CCDC178: variants seen among roughly 807,000 people sequenced by gnomAD.
The protein encoded by CCDC178 is coiled-coil domain containing 178.
CCDC178 carries 126 observed loss-of-function variants against 117.4 expected under a neutral mutation model. That is an observed-to-expected ratio of 1.07 (90% CI 0.93 to 1.24). CCDC178 has a LOEUF of 1.24. Ranked by LOEUF, CCDC178 falls within the 50% of genes most tolerant of loss-of-function variation. CCDC178 has a pLI of 0.00. For synonymous variants in CCDC178, 283 were observed against 313.4 expected (o/e 0.90, Z 1.02); for missense variants, 1,030 against 986.9 (o/e 1.04, Z -0.59).
intron 21 of CCDC178, among the ~76,000 whole-genome samples, chr18:33,080,572 A>G (rs531757642): frequency 2.0e-5 from 3 of 152,126 alleles, no homozygotes; most frequent in Non-Finnish European, 2.9e-5. Context: ...TCCTGTTGAC[A>G]CTTTCATCTC....
At chr18:32,978,994 G>A (rs1407493067) in intron 21 of CCDC178, among the ~76,000 whole-genome samples, 5 of 149,460 alleles carry the variant, frequency 3.3e-5, no homozygotes, top group African/African-American at 1.2e-4. Context: ...CAGAGATCGC[G>A]CCATTCCTCT....
intron 20 of CCDC178, among the ~76,000 whole-genome samples, chr18:33,201,533 T>C (rs1227741040): frequency 6.6e-6 from 1 of 152,204 alleles, no homozygotes; most frequent in East Asian, 1.9e-4. Flanking sequence ...CGAATGTCTC[T>C]GGGTTAAAAG....
At chr18:32,951,078 T>A (rs1044573036) in intron 22 of CCDC178, among the ~76,000 whole-genome samples, 2 of 152,222 alleles carry the variant, frequency 1.3e-5, no homozygotes, top group Non-Finnish European at 2.9e-5. Context: ...AAAATTAGAC[T>A]TATTTATTTT....
At position 33,025,795 on chromosome 18, in the gene CCDC178, G is replaced by C. The variant is rs1254789856; in HGVS notation, c.2389-51114C>G. Among the ~76,000 whole-genome samples the C allele has an allele frequency of 3.3e-5, 5 of 152,158 alleles. No individual in the cohort carries two copies. The South Asian group carries it at 8.3e-4, about 25-fold the overall frequency. On this transcript the variant is annotated intron_variant, in intron 21 of 22. Coordinates refer to ENST00000383096, the MANE Select transcript of CCDC178 (RefSeq NM_001105528.4). Reference sequence around the variant, plus strand: ...GCTGGTAATAATTGATGGTACAATCGCTCTGAGAAACAGTTTGTCAGTTTC... The same window carrying C: ...GCTGGTAATAATTGATGGTACAATCCCTCTGAGAAACAGTTTGTCAGTTTC...
rs1160610535 is a variant in CCDC178 at position 33,023,667 on chromosome 18, A to C, written c.2389-48986T>G. ...TCTTAGCTTCCCAAACATCCCAAGA[A>C]ACTAGAAAAATAGGAGCTAAATAAA... On this transcript the variant is annotated intron_variant, in intron 21 of 22. Transcript: ENST00000383096. Among the ~76,000 whole-genome samples, 5 of 152,160 alleles carry C rather than the reference A, an allele frequency of 3.3e-5. No individual in the cohort carries two copies. The East Asian group carries it at 9.6e-4, about 29-fold the overall frequency.
chr18:33,102,170 C>T (rs952183459), intron 20 of CCDC178, among the ~76,000 whole-genome samples: 3 of 151,656 alleles, frequency 2.0e-5, no homozygotes, highest in Admixed American at 6.6e-5. Context: ...TTTTCTACAT[C>T]GATAATGAGG....
intron 14 of CCDC178, among the ~76,000 whole-genome samples, chr18:33,260,063 A>T (rs1412351028): frequency 1.3e-5 from 2 of 152,078 alleles, no homozygotes; most frequent in Non-Finnish European, 2.9e-5. Flanking sequence ...ACATATATAT[A>T]TATATTACAC....
intron 21 of CCDC178, among the ~76,000 whole-genome samples, chr18:33,089,671 T>C (rs915117679): frequency 5.3e-5 from 8 of 152,332 alleles, no homozygotes; most frequent in African/African-American, 1.9e-4. Context: ...CACTTCAATA[T>C]CTGCGTGCTT....
intron 11 of CCDC178, among the ~76,000 whole-genome samples, chr18:33,319,419 A>G (rs2062471250): frequency 6.6e-6 from 1 of 151,508 alleles, no homozygotes; most frequent in East Asian, 1.9e-4. Flanking sequence ...TATGTGCCAC[A>G]TTTTCTTAAT....
chr18:33,003,089 A>G (rs933250733), intron 21 of CCDC178, among the ~76,000 whole-genome samples: 3 of 152,174 alleles, frequency 2.0e-5, no homozygotes, highest in Non-Finnish European at 4.4e-5. Context: ...GCTGAATTTT[A>G]CCAAACATTT....
At chr18:32,991,230 C>T (rs550451221) in intron 21 of CCDC178, among the ~76,000 whole-genome samples, 31 of 152,232 alleles carry the variant, frequency 2.0e-4, no homozygotes, top group East Asian at 9.6e-4. Flanking sequence ...ACTTCATATC[C>T]TATCCTTTTA....
At position 33,370,145 on chromosome 18, in the gene CCDC178, T is replaced by A; in HGVS notation, c.253A>T (p.Ser85Cys). 2 of 1,606,020 alleles carry A rather than the reference T, an allele frequency of 1.2e-6. No homozygotes were observed. The highest frequency in any genetic ancestry group is 2.2e-5 in the South Asian group (2 of 89,786). Reference sequence around the variant, plus strand: ...GCTGGAATATTTACTACGGCACAGCTGTGACGTCGACATGGGTAGCTAAAG... The same window carrying A: ...GCTGGAATATTTACTACGGCACAGCAGTGACGTCGACATGGGTAGCTAAAG... ...IYFSYPCRRH[S>C]CAVVNIPAPC... Residue 85 changes from serine to cysteine, a missense_variant, in exon 6 of 23, where the codon AGC becomes TGC. Coordinates refer to ENST00000383096, the MANE Select transcript of CCDC178 (RefSeq NM_001105528.4).
chr18:33,393,193 A>G (rs965789129), intron 4 of CCDC178, among the ~76,000 whole-genome samples: 13 of 152,076 alleles, frequency 8.5e-5, no homozygotes, highest in African/African-American at 3.1e-4. Context: ...AGAATATTTC[A>G]TATGTATGCC....
rs544791632 is a variant in CCDC178 at position 33,286,107 on chromosome 18, G to A, written c.1176+7052C>T. Reference sequence around the variant, plus strand: ...TCCTGCCTGAGCCTCCTGAGCAGCTGGGACTACAGGTGTGCACCACCACAC... The same window carrying A: ...TCCTGCCTGAGCCTCCTGAGCAGCTAGGACTACAGGTGTGCACCACCACAC... On this transcript the variant is annotated intron_variant, in intron 12 of 22. Transcript: ENST00000383096. Among the ~76,000 whole-genome samples, 11 of 151,436 alleles carry A rather than the reference G, an allele frequency of 7.3e-5. No individual in the cohort carries two copies. The East Asian group carries it at 2.1e-3, about 30-fold the overall frequency.
rs1295508837 is a variant in CCDC178, at chr18:33,281,626, C to T, written c.1176+11533G>A. 1.3e-5 allele frequency among the ~76,000 whole-genome samples: 2 copies of T among 151,848 alleles called. 1 individual carries two copies. The highest frequency in any genetic ancestry group is 4.2e-4 in the South Asian group (2 of 4,812). ...AGAATTAATGATATGAAATTCAATT[C>T]ATAAAGATGTCTTCTTAAAAGTGAA... On this transcript the variant is annotated intron_variant, in intron 12 of 22. Transcript: ENST00000383096.
chr18:33,108,302 A>C (rs1171895361), intron 20 of CCDC178, among the ~76,000 whole-genome samples: 2 of 142,606 alleles, frequency 1.4e-5, no homozygotes, highest in African/African-American at 5.7e-5. Flanking sequence ...TGTTTTTCAA[A>C]TCTATTAAAA....
At chr18:33,367,119 T>C (rs2063219774) in intron 6 of CCDC178, among the ~76,000 whole-genome samples, 1 of 152,094 alleles carries the variant, frequency 6.6e-6, no homozygotes, top group Non-Finnish European at 1.5e-5. Flanking sequence ...TTGTAATTTT[T>C]GTGGGTACAT....
At chr18:33,359,360 A>C (rs1273543656) in intron 6 of CCDC178, among the ~76,000 whole-genome samples, 2 of 151,770 alleles carry the variant, frequency 1.3e-5, no homozygotes, top group Non-Finnish European at 1.5e-5. Context: ...CTTTGTTTAG[A>C]AGTAAGTAAC....
intron 4 of CCDC178, among the ~76,000 whole-genome samples, chr18:33,393,113 A>AG (rs908618122): frequency 2.0e-5 from 3 of 152,188 alleles, no homozygotes; most frequent in African/African-American, 7.2e-5. Flanking sequence ...CACAACTCCA[A>AG]GACTGGTTGT....
Sources: allele counts gnomAD v4.1 joint callset (sites outside exome capture counted in the v4.1 genomes callset), GRCh38; gene constraint gnomAD v4.1.1; transcripts MANE v1.5; gene names NCBI Gene and HGNC (gene_info 2026-07-23, HGNC 2026-07-21).